The following BANK1 variants were observed in gnomAD, a reference collection of about 807,000 sequenced individuals.
BANK1 encodes B cell scaffold protein with ankyrin repeats 1.
Under a neutral mutation model 94.5 loss-of-function variants are expected in BANK1, and 95 were observed. That is an observed-to-expected ratio of 1.00 (90% CI 0.85 to 1.19). The LOEUF (loss-of-function observed/expected upper bound fraction) is 1.19. Among genes scored for constraint, BANK1 ranks in the 50% most tolerant of loss-of-function variants. The probability of loss-of-function intolerance (pLI) is 0.00; values close to 1 mark genes in which losing one functional copy is unlikely to be tolerated. For synonymous variants in BANK1, 334 were observed against 308.4 expected (o/e 1.08, Z -0.87); for missense variants, 987 against 932.2 (o/e 1.06, Z -0.77).
Position 101,830,076 on chromosome 4 carries a change from T to A in BANK1, c.339T>A (p.Thr113=). 1.2e-6 allele frequency: 2 copies of A among 1,613,942 alleles called. No homozygotes were observed. Among genetic ancestry groups the A allele is most frequent in the Non-Finnish European group, 1.7e-6 (2 of 1,179,914 alleles). ...KILHSPKSVV[T]LLCGVKSSDQ... ...TTCATTCACCAAAAAGTGTAGTTAC[T>A]TTGCTTTGTGGAGTGAAGAGTTCAG... The change falls in exon 2 of 17, where the codon ACT becomes ACA. Residue 113 remains threonine, a synonymous_variant. Transcript: ENST00000322953.
chr4:101,919,739 A>C (rs1352079956), intron 7 of BANK1, among the ~76,000 whole-genome samples: 1 of 152,038 alleles, frequency 6.6e-6, no homozygotes, highest in South Asian at 2.1e-4. Flanking sequence ...AAATGTTACC[A>C]TTATAGTTAA....
intron 1 of BANK1, among the ~76,000 whole-genome samples, chr4:101,795,189 A>G (rs1725114333): frequency 1.3e-5 from 2 of 152,106 alleles, no homozygotes; most frequent in African/African-American, 4.8e-5. Flanking sequence ...AGACCACTTG[A>G]AATTTTAGCC....
At chr4:101,940,279 A>T (rs2148909735) in intron 7 of BANK1, among the ~76,000 whole-genome samples, 1 of 151,806 alleles carries the variant, frequency 6.6e-6, no homozygotes, top group East Asian at 1.9e-4. Flanking sequence ...AAAGTCATTA[A>T]GTTTTTTAAA....
chr4:102,071,690 T>G (rs1472440900), intron 14 of BANK1, among the ~76,000 whole-genome samples: 1 of 152,196 alleles, frequency 6.6e-6, no homozygotes, highest in Non-Finnish European at 1.5e-5. Flanking sequence ...AAATGGAAGC[T>G]CGTGCTTGAT....
At chr4:102,020,444 TA>T (rs1317628546) in intron 7 of BANK1, among the ~76,000 whole-genome samples, 1 of 152,068 alleles carries the variant, frequency 6.6e-6, no homozygotes, top group South Asian at 2.1e-4. Flanking sequence ...TCAGGCTCAG[TA>T]AAAAATACTG....
At chr4:102,066,375 G>A (rs2148966154) in intron 13 of BANK1, among the ~76,000 whole-genome samples, 1 of 150,774 alleles carries the variant, frequency 6.6e-6, no homozygotes, top group Middle Eastern at 3.4e-3. Flanking sequence ...TCCTGCCTCA[G>A]CCTCCCGAGT....
chr4:101,854,343 T>A (rs745389771), intron 2 of BANK1, among the ~76,000 whole-genome samples: 2 of 152,210 alleles, frequency 1.3e-5, no homozygotes, highest in Non-Finnish European at 2.9e-5. Context: ...GTTTTAATGA[T>A]TAAGACTAAA....
At chr4:101,914,006 TGAA>T (rs1186800489) in intron 6 of BANK1, among the ~76,000 whole-genome samples, 3 of 152,198 alleles carry the variant, frequency 2.0e-5, no homozygotes, top group African/African-American at 4.8e-5. Context: ...TTCAACAAAA[TGAA>T]GAATTTCTAT....
At chr4:101,822,648 C>T (rs1475875582) in intron 1 of BANK1, among the ~76,000 whole-genome samples, 3 of 149,160 alleles carry the variant, frequency 2.0e-5, no homozygotes, top group Non-Finnish European at 3.0e-5. Context: ...CAGAGTCTCG[C>T]TCTGTTGCCC....
intron 1 of BANK1, among the ~76,000 whole-genome samples, chr4:101,794,070 A>C (rs1393788732): frequency 6.6e-6 from 1 of 152,162 alleles, no homozygotes; most frequent in Non-Finnish European, 1.5e-5. Context: ...TTCTGAAAGG[A>C]GAAAAGAATT....
intron 7 of BANK1, among the ~76,000 whole-genome samples, chr4:101,940,252 A>AG (rs1723698447): frequency 6.6e-6 from 1 of 151,272 alleles, no homozygotes; most frequent in Non-Finnish European, 1.5e-5. Flanking sequence ...CTAAGCAGGA[A>AG]AAAAAAAACA....
chr4:102,003,121 G>A (rs1312188781), intron 7 of BANK1, among the ~76,000 whole-genome samples: 1 of 152,088 alleles, frequency 6.6e-6, no homozygotes, highest in East Asian at 1.9e-4. Context: ...AGACACCCAA[G>A]TTAGTTTCAA....
At chr4:101,974,095 T>C (rs1395388824) in intron 7 of BANK1, among the ~76,000 whole-genome samples, 1 of 152,156 alleles carries the variant, frequency 6.6e-6, no homozygotes, top group Admixed American at 6.6e-5. Flanking sequence ...AAAAAGAATG[T>C]ATTATTAAAT....
intron 6 of BANK1, among the ~76,000 whole-genome samples, chr4:101,903,714 G>A (rs1722355076): frequency 6.6e-6 from 1 of 152,178 alleles, no homozygotes; most frequent in Admixed American, 6.5e-5. Flanking sequence ...GGAATGCCTA[G>A]AGCAGGTCGT....
chr4:101,995,085 C>G (rs62322737), intron 7 of BANK1, among the ~76,000 whole-genome samples: 56,347 of 151,914 alleles, frequency 0.37, 11,731 homozygotes, highest in South Asian at 0.53. Flanking sequence ...TCTCCTAATG[C>G]TATCCTTCCC....
chr4:102,060,420 TC>T, intron 12 of BANK1, 31 bp downstream of exon 12: 3 of 1,576,112 alleles, frequency 1.9e-6, no homozygotes, highest in Non-Finnish European at 2.6e-6. Flanking sequence ...TCTGGGACAT[TC>T]CCTCACTTGT....
intron 3 of BANK1, among the ~76,000 whole-genome samples, chr4:101,860,278 C>G (rs1727818102): frequency 6.6e-6 from 1 of 152,120 alleles, no homozygotes; most frequent in South Asian, 2.1e-4. Flanking sequence ...GTGTGGGGCC[C>G]TGTGTGACGG....
chr4:102,026,822 C>CAAAA (rs74429394), intron 9 of BANK1, among the ~76,000 whole-genome samples: 12 of 59,770 alleles, frequency 2.0e-4, no homozygotes, highest in African/African-American at 6.9e-4. Context: ...GACTCCATCT[C>CAAAA]AAAAAAAAAA....
chr4:102,007,065 ATT>A lies in BANK1; in HGVS notation c.1207-14446_1207-14445del, dbSNP rs1204711835. On this transcript the variant is annotated intron_variant, in intron 7 of 16. Coordinates refer to ENST00000322953, the MANE Select transcript of BANK1 (RefSeq NM_017935.5). ...AATATATATATATATAAAATATATA[ATT>A]TTATATATATATAAATATATATATA... is the stretch of plus-strand genomic sequence containing the variant. Among the ~76,000 whole-genome samples the A allele has an allele frequency of 4.8e-4, 49 of 103,054 alleles. 3 individuals carry two copies. The South Asian group carries it at 6.9e-3, about 14-fold the overall frequency. The allele number at this position is 103,054 out of a possible 152,430, so 67.6% of individuals were successfully genotyped here.
Sources: allele counts gnomAD v4.1 joint callset (sites outside exome capture counted in the v4.1 genomes callset), GRCh38; gene constraint gnomAD v4.1.1; transcripts MANE v1.5; gene names NCBI Gene and HGNC (gene_info 2026-07-23, HGNC 2026-07-21).